Variants in CYP2R1 observed in about 807,000 individuals in gnomAD.
CYP2R1 encodes cytochrome P450 family 2 subfamily R member 1.
A neutral mutation model predicts 45.7 loss-of-function variants in CYP2R1; 40 were observed. The ratio of observed to expected loss-of-function variants is 0.87; its 90% CI spans 0.68 to 1.14. CYP2R1 has a LOEUF of 1.14. CYP2R1 is among the 50% of genes most tolerant of loss of function. The pLI, the probability that CYP2R1 is intolerant of heterozygous loss-of-function variation, is 0.00. For synonymous variants in CYP2R1, 234 were observed against 219.3 expected (o/e 1.07, Z -0.59); for missense variants, 605 against 602.6 (o/e 1.00, Z -0.04).
chr11:14,884,285 G>T (rs1296282851), intron 2 of CYP2R1, among the ~76,000 whole-genome samples: 5 of 151,712 alleles, frequency 3.3e-5, no homozygotes, highest in South Asian at 2.1e-4. Context: ...CCAACCCAAA[G>T]GTCCAAAAAT....
At position 14,882,765 on chromosome 11, in the gene CYP2R1, A is replaced by G. The variant is rs1848440609; in HGVS notation, c.368-1997T>C. Reference sequence around the variant, plus strand: ...ATTGTCTCTGTTTGCAGATGACATGATTGTATAACGAGAAAACCCCACTGT... The same window carrying G: ...ATTGTCTCTGTTTGCAGATGACATGGTTGTATAACGAGAAAACCCCACTGT... On this transcript the variant is annotated intron_variant, in intron 2 of 4. Coordinates refer to ENST00000334636, the MANE Select transcript of CYP2R1 (RefSeq NM_024514.5). Among the ~76,000 whole-genome samples the G allele has an allele frequency of 2.0e-5, 3 of 152,220 alleles. No individual in the cohort carries two copies. In the South Asian group the frequency reaches 6.2e-4, roughly 31 times the overall value.
rs1555017435 is a variant in CYP2R1 at position 14,892,172 on chromosome 11, C to T, written c.34G>A (p.Ala12Thr). Residue 12 changes from alanine to threonine, a missense_variant, in exon 1 of 5, where the codon GCG (alanine) becomes ACG (threonine). Transcript: ENST00000334636. ...AGGAAGAGCGCGCCGCCGAGCGCCG[C>T]CGCGCCCTCTTCAGCTCTCCAAAGC... The part of the protein sequence containing the change: ...WKLWRAEEGA[A>T]ALGGALFLLL... 6.2e-7 allele frequency: 1 copy of T among 1,610,786 alleles called. No homozygotes were observed. Among genetic ancestry groups the T allele is most frequent in the African/African-American group, 1.3e-5 (1 of 74,998 alleles).
Position 14,879,126 on chromosome 11 carries a change from G to C in CYP2R1, c.1318C>G (p.Pro440Ala), listed in dbSNP as rs782688989. ...AAAGTTCTCTTACCTAGGGAAAAAG[G>C]AACCAAAGCTTCCTTCTTGGCAAAA... is the stretch of plus-strand genomic sequence containing the variant. ...GYFAKKEALV[P>A]FSLGRRHCLG... Residue 440 changes from proline (P) to alanine (A), a missense_variant, in exon 4 of 5, where the codon CCT becomes GCT. Coordinates refer to ENST00000334636, the MANE Select transcript of CYP2R1 (RefSeq NM_024514.5). The C allele has an allele frequency of 6.2e-7, 1 of 1,612,838 alleles. No individual in the cohort carries two copies. Among genetic ancestry groups the C allele is most frequent in the South Asian group, 1.1e-5 (1 of 91,062 alleles).
intron 1 of CYP2R1, chr11:14,891,780 G>C: frequency 7.2e-7 from 1 of 1,397,728 alleles, no homozygotes; most frequent in Non-Finnish European, 9.3e-7. Flanking sequence ...GGCAGGGGCG[G>C]GGCTCCCCCT....
chr11:14,884,188 C>T (rs1455369319), intron 2 of CYP2R1, among the ~76,000 whole-genome samples: 6 of 151,858 alleles, frequency 4.0e-5, no homozygotes, highest in South Asian at 2.1e-4. Flanking sequence ...TGGGTATATA[C>T]CCAAAGGACT....
At position 14,879,309 on chromosome 11, in the gene CYP2R1, T is replaced by A. The variant is rs921986870; in HGVS notation, c.1135A>T (p.Ile379Phe). The change falls in exon 4 of 5, where the codon ATT (isoleucine) becomes TTT (phenylalanine). Residue 379 changes from isoleucine (I) to phenylalanine (F), a missense_variant. Ile to Phe is a conservative substitution (Grantham distance 21, BLOSUM62 0). Coordinates refer to ENST00000334636, the MANE Select transcript of CYP2R1 (RefSeq NM_024514.5). ...LRFCNIVPLGIFHATSEDAVV... is the reference protein window; with the variant it reads ...LRFCNIVPLGFFHATSEDAVV... ...GCATCTTCAGAGGTTGCATGGAAAATCCCTAATGGAACTATATTACAGAAT... is the reference window on the plus strand; with the variant it reads ...GCATCTTCAGAGGTTGCATGGAAAAACCCTAATGGAACTATATTACAGAAT... 6.2e-7 allele frequency: 1 copy of A among 1,613,140 alleles called. No individual in the cohort carries two copies.
intron 2 of CYP2R1, among the ~76,000 whole-genome samples, chr11:14,882,236 G>A (rs1555012537): frequency 2.0e-5 from 3 of 152,120 alleles, no homozygotes; most frequent in African/African-American, 4.8e-5. Context: ...CTCTCACAGA[G>A]CTTAGACACT....
At chr11:14,880,855 T>G in intron 2 of CYP2R1, 87 bp from the exon 3 acceptor site, 1 of 1,275,034 alleles carries the variant, frequency 7.8e-7, no homozygotes, top group Non-Finnish European at 1.1e-6. Flanking sequence ...AATGGATGGT[T>G]AGTCATCCTT....
Position 14,880,730 on chromosome 11 carries a change from G to A in CYP2R1, c.406C>T (p.His136Tyr). The A allele has an allele frequency of 6.2e-7, 1 of 1,605,498 alleles. No individual in the cohort carries two copies. Among genetic ancestry groups the A allele is most frequent in the Non-Finnish European group, 8.5e-7 (1 of 1,177,542 alleles). Residue 136 changes from histidine (H) to tyrosine (Y), a missense_variant, in exon 3 of 5, where the codon CAC becomes TAC. Transcript: ENST00000334636. ...NSRYGRGWVD[H>Y]RRLAVNSFRY... ...AAACTGTTTACAGCTAATCGTCTGT[G>A]ATCAACCCATCCTCGGCCATATCTG...
intron 1 of CYP2R1, chr11:14,890,444 G>A (rs782372000): frequency 4.1e-6 from 4 of 980,376 alleles, no homozygotes; most frequent in South Asian, 4.7e-5. Context: ...TTATTATCTC[G>A]TCCAGCTTCC....
rs1343873809 is a variant in CYP2R1 at position 14,877,814 on chromosome 11, AAGTACCTGGTACTAAACAAGATGCT to A, written c.*283_*307del. ...GGCAGATGGAGTCAAGAAGGGATGA[AAGTACCTGGTACTAAACAAGATGCT>A]CAGCTTAGGGCGTCCATGACCCTTC... On this transcript the variant is annotated 3_prime_UTR_variant, in exon 5 of 5. Transcript: ENST00000334636. The A allele has an allele frequency of 7.3e-5, 20 of 273,194 alleles. No individual in the cohort carries two copies. The highest frequency in any genetic ancestry group is 1.2e-4 in the Non-Finnish European group (18 of 146,172). The allele number at this position is 273,194 out of a possible 1,614,324, so 16.9% of individuals were successfully genotyped here.
intron 2 of CYP2R1, among the ~76,000 whole-genome samples, chr11:14,882,652 A>G (rs1424206637): frequency 2.6e-5 from 4 of 151,924 alleles, no homozygotes; most frequent in Non-Finnish European, 4.4e-5. Context: ...AAAACAACAC[A>G]TATCAACATA....
chr11:14,885,957 T>C lies in CYP2R1; in HGVS notation c.226-40A>G, dbSNP rs376832292. On this transcript the variant is annotated intron_variant, in intron 1 of 4. Transcript: ENST00000334636. ...GAAAAACAACATTTAAATGACAGCA[T>C]GTATGGAGAAATATAACCATGGAAA... 104 of 1,595,292 alleles carry C rather than the reference T, an allele frequency of 6.5e-5. No homozygotes were observed. The African/African-American group carries it at 1.3e-3, about 20-fold the overall frequency.
chr11:14,890,317 G>T, intron 1 of CYP2R1: 1 of 240,142 alleles, frequency 4.2e-6, no homozygotes, highest in Non-Finnish European at 6.7e-6. Flanking sequence ...AGAATATTAT[G>T]ATGCTGTGTA....
intron 4 of CYP2R1, among the ~76,000 whole-genome samples, chr11:14,878,643 G>A (rs1460452043): frequency 1.3e-5 from 2 of 152,120 alleles, no homozygotes; most frequent in Non-Finnish European, 2.9e-5. Flanking sequence ...AACTAAGTGT[G>A]TATTCTTCTC....
chr11:14,891,038 C>T (rs782113447), intron 1 of CYP2R1: 6 of 985,314 alleles, frequency 6.1e-6, no homozygotes, highest in South Asian at 4.7e-5. Context: ...CCTTCTTCAC[C>T]GCTAGCGTCA....
chr11:14,879,573 T>G (rs1180073285), intron 3 of CYP2R1, 130 bp from the exon 4 acceptor site: 1 of 665,000 alleles, frequency 1.5e-6, no homozygotes, highest in African/African-American at 1.8e-5. Context: ...AGATTCAGAT[T>G]TTTTATTATC....
intron 2 of CYP2R1, among the ~76,000 whole-genome samples, chr11:14,884,311 G>A (rs1447827607): frequency 3.9e-5 from 6 of 151,920 alleles, no homozygotes; most frequent in Non-Finnish European, 8.8e-5. Context: ...ACTGGATGAA[G>A]AAAATGTGGC....
chr11:14,885,903 A>G lies in CYP2R1; in HGVS notation c.240T>C (p.Asp80=). The change falls in exon 2 of 5, where the codon GAT becomes GAC. Residue 80 remains aspartate, a synonymous_variant. Transcript: ENST00000334636. Reference sequence around the variant, plus strand: ...GAACCACAGTTGATATGCCTCCAAGATCTAAACTGAAGATCTTTGAGAAGA... The same window carrying G: ...GAACCACAGTTGATATGCCTCCAAGGTCTAAACTGAAGATCTTTGAGAAGA... The part of the protein sequence containing the change: ...SQVYGEIFSL[D]LGGISTVVLN... The G allele has an allele frequency of 2.5e-6, 4 of 1,613,508 alleles. No homozygotes were observed. The highest frequency in any genetic ancestry group is 3.4e-6 in the Non-Finnish European group (4 of 1,179,612).
Sources: allele counts gnomAD v4.1 joint callset (sites outside exome capture counted in the v4.1 genomes callset), GRCh38; gene constraint gnomAD v4.1.1; transcripts MANE v1.5; gene names NCBI Gene and HGNC (gene_info 2026-07-23, HGNC 2026-07-21).